The following NDST3 variants were observed in gnomAD, a reference collection of about 807,000 sequenced individuals.
NDST3 encodes the protein bifunctional heparan sulfate N-deacetylase/N-sulfotransferase 3.
NDST3 carries 58 observed loss-of-function variants against 96.1 expected under a neutral mutation model. The observed-to-expected ratio is 0.60, with a 90% CI of 0.49 to 0.75. The LOEUF (loss-of-function observed/expected upper bound fraction) is 0.75. Ranked by LOEUF, NDST3 falls within the 30% of genes least tolerant of loss-of-function variation. The pLI is 0.00. For missense variants in NDST3, 788 were observed against 1,034.2 expected (o/e 0.76, Z 3.27); for synonymous variants, 333 against 359.7 (o/e 0.93, Z 0.84).
At chr4:118,104,994 C>A in intron 2 of NDST3, 24 bp from the exon 3 acceptor site, 2 of 1,597,880 alleles carry the variant, frequency 1.3e-6, no homozygotes, top group Non-Finnish European at 1.7e-6. Flanking sequence ...TTACCTGATA[C>A]ATTTTTTAAA....
intron 6 of NDST3, among the ~76,000 whole-genome samples, chr4:118,146,502 G>A (rs1330590144): frequency 6.6e-6 from 1 of 152,056 alleles, no homozygotes; most frequent in Non-Finnish European, 1.5e-5. Context: ...GGTGAGAAAG[G>A]GTTACAATAA....
chr4:118,046,856 T>A (rs2110434540), intron 1 of NDST3, among the ~76,000 whole-genome samples: 1 of 152,106 alleles, frequency 6.6e-6, no homozygotes, highest in African/African-American at 2.4e-5. Context: ...CTCCACAGGA[T>A]TTGCCAGGAA....
At chr4:118,086,766 C>G (rs1191177409) in intron 2 of NDST3, among the ~76,000 whole-genome samples, 2 of 152,060 alleles carry the variant, frequency 1.3e-5, no homozygotes, top group African/African-American at 4.8e-5. Context: ...CCTAATAATC[C>G]TAAAACCATT....
chr4:118,081,755 G>C (rs1728042443), intron 2 of NDST3, among the ~76,000 whole-genome samples: 3 of 152,090 alleles, frequency 2.0e-5, no homozygotes, highest in Admixed American at 2.0e-4. Flanking sequence ...CAATTTATTA[G>C]CTGTGAATTA....
intron 2 of NDST3, among the ~76,000 whole-genome samples, chr4:118,062,998 T>C (rs1358022723): frequency 1.3e-5 from 2 of 151,744 alleles, no homozygotes; most frequent in Non-Finnish European, 2.9e-5. Context: ...CAAGACCAGC[T>C]TGACCAACAT....
chr4:118,203,543 T>G (rs1738234752), intron 6 of NDST3, among the ~76,000 whole-genome samples: 1 of 152,206 alleles, frequency 6.6e-6, no homozygotes. Flanking sequence ...CTTGGAAGAT[T>G]GTGTCCTTCC....
chr4:118,157,248 AAC>A lies in NDST3; in HGVS notation c.1539+13569_1539+13570del, dbSNP rs556315084. 1.5e-3 allele frequency among the ~76,000 whole-genome samples: 234 copies of A among 152,204 alleles called. 1 individual carries two copies. The highest frequency in any genetic ancestry group is 5.4e-3 in the African/African-American group (225 of 41,550). On this transcript the variant is annotated intron_variant, in intron 6 of 13. Transcript: ENST00000296499. ...CTTGTACGAAAAGAAATACAGGAAAAACACACCAAAAATAATAAAAGTGTTTT... is the reference window on the plus strand; with the variant it reads ...CTTGTACGAAAAGAAATACAGGAAAAACACCAAAAATAATAAAAGTGTTTT...
At chr4:118,165,423 G>C (rs1005899877) in intron 6 of NDST3, among the ~76,000 whole-genome samples, 8 of 152,016 alleles carry the variant, frequency 5.3e-5, no homozygotes, top group African/African-American at 1.9e-4. Flanking sequence ...ACCCAAATAT[G>C]TGTAATAATC....
intron 11 of NDST3, among the ~76,000 whole-genome samples, 190 bp from the exon 12 acceptor site, chr4:118,241,850 T>C (rs1741026329): frequency 6.6e-6 from 1 of 152,218 alleles, no homozygotes; most frequent in Admixed American, 6.5e-5. Flanking sequence ...AACCTGAGTG[T>C]ACTTAATTGG....
chr4:118,230,969 ATTTAC>A (rs1740245603), intron 8 of NDST3, among the ~76,000 whole-genome samples: 1 of 152,184 alleles, frequency 6.6e-6, no homozygotes, highest in South Asian at 2.1e-4. Context: ...AATAGTATTT[ATTTAC>A]TTAAATATTG....
chr4:118,039,623 T>A (rs1173320191), intron 1 of NDST3, among the ~76,000 whole-genome samples: 1 of 152,158 alleles, frequency 6.6e-6, no homozygotes, highest in Non-Finnish European at 1.5e-5. Flanking sequence ...TGAGAATGTG[T>A]AACAGGGAGG....
intron 2 of NDST3, among the ~76,000 whole-genome samples, chr4:118,072,171 C>T (rs1727133067): frequency 6.6e-6 from 1 of 152,018 alleles, no homozygotes; most frequent in Non-Finnish European, 1.5e-5. Flanking sequence ...GTGATACCTC[C>T]AGCTTTGTTC....
Position 118,257,915 on chromosome 4 carries a change from G to C in NDST3, c.*2203G>C, listed in dbSNP as rs532536448. On this transcript the variant is annotated 3_prime_UTR_variant, in exon 14 of 14. Coordinates refer to ENST00000296499, the MANE Select transcript of NDST3 (RefSeq NM_004784.3). ...CATCTCCACCAACTTAAGAAAACTG[G>C]CTTAGGAAGGTTAAACATGAGAATA... 2.0e-5 allele frequency: 3 copies of C among 152,218 alleles called. No homozygotes were observed. Among genetic ancestry groups the C allele is most frequent in the African/African-American group, 7.2e-5 (3 of 41,520 alleles). 9.4% of individuals were successfully genotyped at this position (152,218 alleles called of 1,614,324 possible).
chr4:118,244,848 T>C (rs1358866275), intron 12 of NDST3, among the ~76,000 whole-genome samples: 1 of 152,184 alleles, frequency 6.6e-6, no homozygotes, highest in African/African-American at 2.4e-5. Context: ...TGTCTTAAAA[T>C]GACTTATTAC....
intron 6 of NDST3, among the ~76,000 whole-genome samples, chr4:118,218,655 C>T (rs1739344858): frequency 6.6e-6 from 1 of 152,058 alleles, no homozygotes; most frequent in Non-Finnish European, 1.5e-5. Context: ...CCTCTTTCAC[C>T]ACTGCTATTC....
intron 6 of NDST3, among the ~76,000 whole-genome samples, chr4:118,218,523 G>T (rs1341777572): frequency 6.6e-6 from 1 of 152,100 alleles, no homozygotes; most frequent in African/African-American, 2.4e-5. Context: ...CAATAAATGA[G>T]GTATTTATGG....
chr4:118,222,041 A>C (rs2125992957), intron 6 of NDST3, among the ~76,000 whole-genome samples: 1 of 151,798 alleles, frequency 6.6e-6, no homozygotes, highest in Non-Finnish European at 1.5e-5. Flanking sequence ...CACTCTTAAA[A>C]TTGTAAAAGT....
chr4:118,094,552 C>T (rs1408379772), intron 2 of NDST3, among the ~76,000 whole-genome samples: 1 of 151,774 alleles, frequency 6.6e-6, no homozygotes, highest in Non-Finnish European at 1.5e-5. Context: ...TTAATGTGTC[C>T]TTTCCATAGA....
chr4:118,067,323 T>C (rs1726672437), intron 2 of NDST3, among the ~76,000 whole-genome samples: 1 of 152,090 alleles, frequency 6.6e-6, no homozygotes, highest in Non-Finnish European at 1.5e-5. Context: ...TCGACATAAT[T>C]TGCTAATCTG....
Sources: gnomAD v4.1 joint callset for allele counts (sites outside exome capture counted in the v4.1 genomes callset) on GRCh38, gnomAD v4.1.1 for gene constraint, MANE v1.5 for transcripts, NCBI Gene and HGNC (gene_info 2026-07-23, HGNC 2026-07-21) for gene names.